Variants in PCDHGA2 observed in about 807,000 individuals in gnomAD.
The protein encoded by PCDHGA2 is protocadherin gamma-A2.
In PCDHGA2, 40 loss-of-function variants were observed where a neutral mutation model predicts 59.2. The observed-to-expected ratio is 0.68, with a 90% CI of 0.52 to 0.88. The LOEUF is 0.88. Ranked by LOEUF, PCDHGA2 falls within the 40% of genes least tolerant of loss-of-function variation. PCDHGA2 has a pLI of 0.00. For missense variants in PCDHGA2, 1,226 were observed against 1,204.0 expected, an observed-to-expected ratio of 1.02 and a Z score of -0.27; for synonymous variants, 560 against 526.0, an observed-to-expected ratio of 1.06 and a Z score of -0.89.
intron 1 of PCDHGA2, chr5:141,397,890 A>G: frequency 3.2e-6 from 2 of 628,782 alleles, no homozygotes; most frequent in Non-Finnish European, 5.3e-6. Context: ...GCTGTTGGCC[A>G]AAGTGCAGAG....
chr5:141,475,977 A>C, intron 1 of PCDHGA2: 1 of 972,828 alleles, frequency 1.0e-6, no homozygotes, highest in Non-Finnish European at 1.5e-6. Flanking sequence ...GAGACTGAAC[A>C]GCCGGCGAGC....
intron 1 of PCDHGA2, among the ~76,000 whole-genome samples, chr5:141,401,533 C>T (rs998579261): frequency 5.9e-5 from 9 of 151,790 alleles, no homozygotes; most frequent in South Asian, 2.1e-4. Context: ...AAGAAACTTA[C>T]AAAAAAAAGG....
At position 141,376,180 on chromosome 5, in the gene PCDHGA2, G is replaced by C. The variant is rs113596971; in HGVS notation, c.2424+34785G>C. On this transcript the variant is annotated intron_variant, in intron 1 of 3. Transcript: ENST00000394576. Reference sequence around the variant, plus strand: ...TGTACCTGGTGGTGGCGGTGGCCGCGGTCTCCTGCGTCTTCCTGGCCTTCG... The same window carrying C: ...TGTACCTGGTGGTGGCGGTGGCCGCCGTCTCCTGCGTCTTCCTGGCCTTCG... The C allele has an allele frequency of 1.9e-3, 3,099 of 1,614,100 alleles. 61 individuals are homozygous for C. The African/African-American group carries it at 0.034, about 18-fold the overall frequency.
chr5:141,431,375 G>C lies in PCDHGA2; in HGVS notation c.2425-63432G>C. ...ACGCGCCCTGGACCGCGAAGAAAAG[G>C]CTGCTCACCACCTGGTCCTTACGGC... On this transcript the variant is annotated intron_variant, in intron 1 of 3. Transcript: ENST00000394576. This position sits in a 1 kb window ranked among gnomAD's most constrained non-coding sequence, Gnocchi z 4.8. 6.2e-7 allele frequency: 1 copy of C among 1,613,422 alleles called. No individual in the cohort carries two copies. The highest frequency in any genetic ancestry group is 8.5e-7 in the Non-Finnish European group (1 of 1,179,570).
chr5:141,459,529 G>A (rs1201996126), intron 1 of PCDHGA2, among the ~76,000 whole-genome samples: 2 of 152,134 alleles, frequency 1.3e-5, no homozygotes, highest in African/African-American at 2.4e-5. Context: ...ATTTTTGTAG[G>A]CATATTTTTT....
At chr5:141,355,476 G>A (rs1759869757) in intron 1 of PCDHGA2, 5 of 1,613,968 alleles carry the variant, frequency 3.1e-6, no homozygotes, top group Non-Finnish European at 4.2e-6. Context: ...GGATAGACAG[G>A]GAGGAGCTCT....
At chr5:141,418,577 C>T (rs1173424447) in intron 1 of PCDHGA2, 2 of 1,614,038 alleles carry the variant, frequency 1.2e-6, no homozygotes, top group South Asian at 1.1e-5. Context: ...TGACAACCCC[C>T]CAGTGTTCAG....
In PCDHGA2 at chr5:141,490,410, T is replaced by C. The variant is rs2099699827; in HGVS notation, c.2425-4397T>C. ...ATGGTGAAGTGAGCCTTGATATCTC[T>C]CCGGACCTGCCATTTCAGATTAAGC... On this transcript the variant is annotated intron_variant, in intron 1 of 3. Coordinates refer to ENST00000394576, the MANE Select transcript of PCDHGA2 (RefSeq NM_018915.4). The surrounding 1 kb of genome is among the most constrained non-coding windows in gnomAD (Gnocchi z 5.4). 1 of 1,614,172 alleles carries C rather than the reference T, an allele frequency of 6.2e-7. No individual in the cohort carries two copies. Among genetic ancestry groups the C allele is most frequent in the Non-Finnish European group, 8.5e-7 (1 of 1,180,042 alleles).
chr5:141,494,937 G>C (rs759078748), intron 2 of PCDHGA2, 72 bp downstream of exon 2: 1 of 1,612,276 alleles, frequency 6.2e-7, no homozygotes, highest in African/African-American at 1.3e-5. Flanking sequence ...GAGGAGATGG[G>C]GGAGGGCCCA....
chr5:141,346,269 G>A (rs1757725605), intron 1 of PCDHGA2: 2 of 1,614,208 alleles, frequency 1.2e-6, no homozygotes, highest in Non-Finnish European at 1.7e-6. Context: ...CGCGGACGGG[G>A]TTCGGGCTTT....
intron 1 of PCDHGA2, chr5:141,350,619 T>C (rs1288152150): frequency 1.2e-6 from 2 of 1,614,022 alleles, no homozygotes; most frequent in Admixed American, 3.3e-5. Flanking sequence ...GTTGTTGTAA[T>C]CCAAGATATT....
rs2099694919 is a variant in PCDHGA2, at chr5:141,490,016, C to T, written c.2425-4791C>T. The T allele has an allele frequency of 6.2e-7, 1 of 1,614,158 alleles. No individual in the cohort carries two copies. The highest frequency in any genetic ancestry group is 8.5e-7 in the Non-Finnish European group (1 of 1,180,060). On this transcript the variant is annotated intron_variant, in intron 1 of 3. Transcript: ENST00000394576. This position sits in a 1 kb window ranked among gnomAD's most constrained non-coding sequence, Gnocchi z 5.4. ...ATCCCAGAGAATGCACCCATTGGTACTCTGCTGCTCCGCCTCAATGCCACT... is the reference window on the plus strand; with the variant it reads ...ATCCCAGAGAATGCACCCATTGGTATTCTGCTGCTCCGCCTCAATGCCACT...
intron 1 of PCDHGA2, chr5:141,392,984 G>A: frequency 1.2e-6 from 2 of 1,613,914 alleles, no homozygotes; most frequent in Non-Finnish European, 1.7e-6. Context: ...TGGACCCCCG[G>A]AAGCTGGCGA....
intron 2 of PCDHGA2, among the ~76,000 whole-genome samples, chr5:141,495,128 G>T (rs1408872159): frequency 2.6e-5 from 4 of 152,160 alleles, no homozygotes; most frequent in African/African-American, 9.7e-5. Flanking sequence ...TCCCCTGAGG[G>T]CACTGTGGAA....
At chr5:141,413,318 T>C in intron 1 of PCDHGA2, 1 of 1,613,968 alleles carries the variant, frequency 6.2e-7, no homozygotes, top group Non-Finnish European at 8.5e-7. Flanking sequence ...AAAGGCTCTT[T>C]CGTGGGCAAC....
intron 1 of PCDHGA2, chr5:141,428,257 G>T: frequency 1.2e-6 from 1 of 865,866 alleles, no homozygotes; most frequent in South Asian, 1.4e-5. Context: ...AGACTTCAGT[G>T]ACAGTCCTGT....
Position 141,490,486 on chromosome 5 carries a change from G to A in PCDHGA2, c.2425-4321G>A, listed in dbSNP as rs1187388706. The A allele has an allele frequency of 1.2e-6, 2 of 1,614,090 alleles. No individual in the cohort carries two copies. On this transcript the variant is annotated intron_variant, in intron 1 of 3. Transcript: ENST00000394576. The surrounding 1 kb of genome is among the most constrained non-coding windows in gnomAD (Gnocchi z 5.4). ...AACCAGCCAGCCTTTGGACCGGGAG[G>A]CCACATCCCACTATATCATCGAGCT...
intron 1 of PCDHGA2, among the ~76,000 whole-genome samples, chr5:141,472,980 C>CAAAAAAAAAAAAAAAAAGAAAAAA (rs2099309731): frequency 2.3e-5 from 2 of 86,106 alleles, no homozygotes; most frequent in Non-Finnish European, 5.0e-5. Flanking sequence ...GAGTGAAACT[C>CAAAAAAAAAAAAAAAAAGAAAAAA]AAAAAAAAAA....
At chr5:141,409,920 C>T (rs759433257) in intron 1 of PCDHGA2, 2 of 1,613,400 alleles carry the variant, frequency 1.2e-6, no homozygotes, top group Non-Finnish European at 1.7e-6. Flanking sequence ...GACGGCTCCG[C>T]GTTCTTCGAT....
Sources: allele counts gnomAD v4.1 joint callset (sites outside exome capture counted in the v4.1 genomes callset), GRCh38; gene constraint gnomAD v4.1.1; non-coding constraint Gnocchi (gnomAD v3.1); transcripts MANE v1.5; gene names NCBI Gene and HGNC (gene_info 2026-07-23, HGNC 2026-07-21).